Variants in IGDCC4 observed in about 807,000 individuals in gnomAD.
The protein encoded by IGDCC4 is likely ortholog of mouse neighbor of Punc E11.
In IGDCC4, 72 loss-of-function variants were observed where a neutral mutation model predicts 116.6. The observed-to-expected ratio is 0.62, with a 90% CI of 0.51 to 0.75. IGDCC4 has a LOEUF of 0.75. IGDCC4 is among the 30% of genes least tolerant of loss of function. The pLI, the probability that IGDCC4 is intolerant of heterozygous loss-of-function variation, is 0.00. For missense variants in IGDCC4, 1,501 were observed against 1,662.4 expected (o/e 0.90, Z 1.69); for synonymous variants, 709 against 719.9 (o/e 0.98, Z 0.24).
chr15:65,390,830 C>T (rs2091507557), intron 12 of IGDCC4, among the ~76,000 whole-genome samples: 1 of 152,022 alleles, frequency 6.6e-6, no homozygotes, highest in South Asian at 2.1e-4. Context: ...AAATAAACCC[C>T]AAGAGAGCAA....
intron 3 of IGDCC4, 56 bp downstream of exon 3, chr15:65,410,122 C>T (rs768404295): frequency 1.6e-4 from 256 of 1,599,368 alleles, no homozygotes; most frequent in Admixed American, 2.2e-4. Context: ...TCTGAGCACA[C>T]CCCAGAGCCC....
At chr15:65,387,875 C>A (rs184614344) in intron 16 of IGDCC4, among the ~76,000 whole-genome samples, 1 of 152,180 alleles carries the variant, frequency 6.6e-6, no homozygotes, top group East Asian at 1.9e-4. Flanking sequence ...TTTGGGAGGA[C>A]GAGGTGGGTG....
intron 3 of IGDCC4, among the ~76,000 whole-genome samples, chr15:65,406,580 C>T (rs1324103627): frequency 6.6e-6 from 1 of 152,192 alleles, no homozygotes; most frequent in African/African-American, 2.4e-5. Context: ...TACACCAAGG[C>T]ATACGGTCTC....
rs1283965613 is a variant in IGDCC4 at position 65,396,887 on chromosome 15, T to C, written c.944A>G (p.Asn315Ser). Residue 315 changes from asparagine (N) to serine (S), a missense_variant, in exon 6 of 20, where the codon AAC becomes AGC. By Grantham distance (46) the Asn-to-Ser change is conservative. Coordinates refer to ENST00000352385, the MANE Select transcript of IGDCC4 (RefSeq NM_020962.3). ...GGCGAAGTCGCGCGTGCGGGGCTTG[T>C]TGGCGCGGCAGACATAGACGCCGGA... ...WHSGVYVCRA[N>S]KPRTRDFATA... The C allele has an allele frequency of 1.3e-6, 2 of 1,576,512 alleles. No homozygotes were observed. The highest frequency in any genetic ancestry group is 2.3e-5 in the East Asian group (1 of 42,968).
At chr15:65,406,430 T>C (rs895323979) in intron 3 of IGDCC4, among the ~76,000 whole-genome samples, 4 of 152,180 alleles carry the variant, frequency 2.6e-5, no homozygotes, top group African/African-American at 9.6e-5. Flanking sequence ...AAAGAAAAAT[T>C]ATCCCCTAGA....
chr15:65,389,386 C>T lies in IGDCC4; in HGVS notation c.2434G>A (p.Gly812Ser), dbSNP rs368140698. 5.6e-6 allele frequency: 9 copies of T among 1,614,170 alleles called. No homozygotes were observed. Among genetic ancestry groups the T allele is most frequent in the South Asian group, 1.1e-5 (1 of 91,090 alleles). ...TSSGEDILIG[G>S]LKPFTKYEFA... ...TCGTATTTGGTGAATGGCTTCAAGCCGCCAATGAGGATGTCTTCTCCAGAA... is the reference window on the plus strand; with the variant it reads ...TCGTATTTGGTGAATGGCTTCAAGCTGCCAATGAGGATGTCTTCTCCAGAA... Residue 812 changes from glycine to serine, a missense_variant, in exon 14 of 20, where the codon GGC (glycine) becomes AGC (serine). By Grantham distance (56) the Gly-to-Ser change is moderately conservative. This residue lies in a region of IGDCC4 where 235 missense variants were observed against 328.0 expected (regional missense o/e 0.72). Coordinates refer to ENST00000352385, the MANE Select transcript of IGDCC4 (RefSeq NM_020962.3).
intron 9 of IGDCC4, among the ~76,000 whole-genome samples, chr15:65,394,049 G>A (rs2062894648): frequency 6.6e-6 from 1 of 152,076 alleles, no homozygotes; most frequent in Non-Finnish European, 1.5e-5. Context: ...TACCCAGATG[G>A]GAGTACAATG....
At chr15:65,414,390 G>A (rs1055862907) in intron 1 of IGDCC4, among the ~76,000 whole-genome samples, 1 of 152,234 alleles carries the variant, frequency 6.6e-6, no homozygotes, top group South Asian at 2.1e-4. Context: ...TCTAGTTGGG[G>A]AAACCAATCT....
At chr15:65,391,552 A>T (rs953578596) in intron 12 of IGDCC4, among the ~76,000 whole-genome samples, 5 of 152,188 alleles carry the variant, frequency 3.3e-5, no homozygotes, top group African/African-American at 9.7e-5. Context: ...ATGTGTTTTT[A>T]AAAAAACTTG....
chr15:65,388,163 G>A (rs2091477187), intron 16 of IGDCC4, among the ~76,000 whole-genome samples: 1 of 151,452 alleles, frequency 6.6e-6, no homozygotes, highest in Non-Finnish European at 1.5e-5. Context: ...AGAATCGCTT[G>A]AACCTGGGAG....
chr15:65,402,761 G>A (rs539765777), intron 3 of IGDCC4, among the ~76,000 whole-genome samples: 37 of 152,284 alleles, frequency 2.4e-4, no homozygotes, highest in South Asian at 1.0e-3. Flanking sequence ...CAGCTACTCC[G>A]GAGGCTGAGG....
chr15:65,386,701 G>T, intron 16 of IGDCC4, 45 bp from the exon 17 acceptor site: 2 of 1,457,408 alleles, frequency 1.4e-6, no homozygotes, highest in Non-Finnish European at 1.9e-6. Context: ...GACAGAGGAA[G>T]GGCACAGGGC....
intron 13 of IGDCC4, 146 bp downstream of exon 13, chr15:65,390,009 C>T: frequency 1.5e-6 from 1 of 681,778 alleles, no homozygotes; most frequent in Non-Finnish European, 2.4e-6. Flanking sequence ...TGCAGCCCCT[C>T]TGTGTGGCCT....
intron 1 of IGDCC4, among the ~76,000 whole-genome samples, chr15:65,414,041 T>G (rs2063121637): frequency 6.6e-6 from 1 of 152,182 alleles, no homozygotes. Context: ...AGCTCTGCAC[T>G]CCTAAACACA....
At chr15:65,389,950 G>A (rs2091496589) in intron 13 of IGDCC4, among the ~76,000 whole-genome samples, 1 of 152,174 alleles carries the variant, frequency 6.6e-6, no homozygotes, top group African/African-American at 2.4e-5. Context: ...GACGGGATTG[G>A]ATGGCCTCCT....
chr15:65,405,238 G>T (rs1485211686), intron 3 of IGDCC4, among the ~76,000 whole-genome samples: 1 of 151,074 alleles, frequency 6.6e-6, no homozygotes, highest in South Asian at 2.1e-4. Flanking sequence ...GGCAAAGCTC[G>T]TGTGGTTTAT....
chr15:65,395,134 G>T lies in IGDCC4; in HGVS notation c.1536C>A (p.Ser512Arg), dbSNP rs1410608090. 6 of 1,613,670 alleles carry T rather than the reference G, an allele frequency of 3.7e-6. No individual in the cohort carries two copies. Among genetic ancestry groups the T allele is most frequent in the African/African-American group, 1.3e-5 (1 of 75,042 alleles). ...GCACCAGTGCTGGGGTGGAGGTGCG[G>T]CTGGCTCCCAGCTGGGAGTAGGCCA... ...YVVAYSQLGA[S>R]RTSTPALVHT... Residue 512 changes from serine to arginine, a missense_variant, in exon 8 of 20, where the codon AGC (serine) becomes AGA (arginine). By Grantham distance (110) the Ser-to-Arg change is moderately radical (BLOSUM62 -1). Coordinates refer to ENST00000352385, the MANE Select transcript of IGDCC4 (RefSeq NM_020962.3).
At chr15:65,417,543 C>T (rs908980138) in intron 1 of IGDCC4, among the ~76,000 whole-genome samples, 2 of 152,220 alleles carry the variant, frequency 1.3e-5, no homozygotes, top group African/African-American at 4.8e-5. Flanking sequence ...AGACACCTCT[C>T]CTTTTTCTGC....
chr15:65,422,431 G>A (rs1490561086), intron 1 of IGDCC4, among the ~76,000 whole-genome samples: 8 of 150,696 alleles, frequency 5.3e-5, no homozygotes, highest in African/African-American at 1.7e-4. Context: ...AGCCCGCCCC[G>A]CGAAAGCCAC....
Sources: allele counts gnomAD v4.1 joint callset (sites outside exome capture counted in the v4.1 genomes callset), GRCh38; gene constraint gnomAD v4.1.1; regional missense constraint gnomAD v4.1.1; transcripts MANE v1.5; gene names NCBI Gene and HGNC (gene_info 2026-07-23, HGNC 2026-07-21).